The following GSK3B variants were observed in gnomAD, a reference collection of about 807,000 sequenced individuals.
The protein encoded by GSK3B is glycogen synthase kinase-3 beta.
In GSK3B, 15 loss-of-function variants were observed where a neutral mutation model predicts 56.4. The observed-to-expected ratio is 0.27, with a 90% CI of 0.18 to 0.41. The LOEUF is 0.41. Ranked by LOEUF, GSK3B falls within the 10% of genes least tolerant of loss-of-function variation. GSK3B has a pLI of 1.00. For missense variants in GSK3B, 300 were observed against 513.4 expected, an observed-to-expected ratio of 0.58 and a Z score of 4.02; for synonymous variants, 181 against 188.9, an observed-to-expected ratio of 0.96 and a Z score of 0.34.
chr3:120,026,216 TAA>T (rs1051500601), intron 1 of GSK3B, among the ~76,000 whole-genome samples: 1 of 152,164 alleles, frequency 6.6e-6, no homozygotes, highest in Non-Finnish European at 1.5e-5. Context: ...CACGATTTTC[TAA>T]AAGTCTTAAA....
At chr3:119,963,268 C>T (rs184269492) in intron 2 of GSK3B, among the ~76,000 whole-genome samples, 65 of 152,048 alleles carry the variant, frequency 4.3e-4, no homozygotes, top group Non-Finnish European at 8.4e-4. Context: ...CCATATTATC[C>T]AAAGCCATCT....
chr3:120,003,424 T>C (rs1049789451), intron 1 of GSK3B, among the ~76,000 whole-genome samples: 2 of 152,254 alleles, frequency 1.3e-5, no homozygotes, highest in Admixed American at 6.5e-5. Flanking sequence ...AAATGTCTAC[T>C]GTTTCTTCTC....
chr3:119,985,304 C>G (rs556053540), intron 2 of GSK3B, among the ~76,000 whole-genome samples: 1 of 152,262 alleles, frequency 6.6e-6, no homozygotes, highest in East Asian at 1.9e-4. Context: ...TCTCACCAGT[C>G]CTATTCAACA....
intron 5 of GSK3B, among the ~76,000 whole-genome samples, chr3:119,913,392 T>G (rs995023486): frequency 6.6e-6 from 1 of 152,126 alleles, no homozygotes; most frequent in Non-Finnish European, 1.5e-5. Flanking sequence ...CAGAAATGAT[T>G]CACTGCCTAT....
chr3:119,884,830 A>G (rs1178112699), intron 7 of GSK3B, among the ~76,000 whole-genome samples: 1 of 152,124 alleles, frequency 6.6e-6, no homozygotes, highest in Non-Finnish European at 1.5e-5. Context: ...CCTGATTTAA[A>G]TAAAATCTAC....
chr3:120,013,297 T>C (rs1043210502), intron 1 of GSK3B, among the ~76,000 whole-genome samples: 1 of 152,216 alleles, frequency 6.6e-6, no homozygotes, highest in Admixed American at 6.5e-5. Context: ...ATCTCAAAGC[T>C]GAACATACTT....
chr3:119,933,680 A>C (rs1171058520), intron 3 of GSK3B, among the ~76,000 whole-genome samples: 1 of 152,034 alleles, frequency 6.6e-6, no homozygotes, highest in African/African-American at 2.4e-5. Context: ...AGTTCGAGCC[A>C]AGCCTGGCCA....
At chr3:119,836,353 A>G (rs2055690236) in intron 10 of GSK3B, among the ~76,000 whole-genome samples, 1 of 152,226 alleles carries the variant, frequency 6.6e-6, no homozygotes, top group Non-Finnish European at 1.5e-5. Context: ...TCCAAATGTT[A>G]TCATGACTCC....
At chr3:119,835,110 T>C (rs2055669223) in intron 10 of GSK3B, among the ~76,000 whole-genome samples, 1 of 152,176 alleles carries the variant, frequency 6.6e-6, no homozygotes, top group African/African-American at 2.4e-5. Context: ...AAGATGCACA[T>C]ATTAATTGGC....
At chr3:119,893,288 C>T (rs76047636) in intron 7 of GSK3B, among the ~76,000 whole-genome samples, 2,438 of 152,160 alleles carry the variant, frequency 0.016, 62 homozygotes, top group African/African-American at 0.055. Context: ...CATGAACCAC[C>T]GCACCCAGCA....
At chr3:120,074,231 T>C (rs978186710) in intron 1 of GSK3B, among the ~76,000 whole-genome samples, 4 of 151,566 alleles carry the variant, frequency 2.6e-5, no homozygotes, top group African/African-American at 7.3e-5. Context: ...AGCCCAGGAA[T>C]TGAGACTGCA....
At chr3:119,982,467 A>G (rs2107453658) in intron 2 of GSK3B, among the ~76,000 whole-genome samples, 1 of 152,346 alleles carries the variant, frequency 6.6e-6, no homozygotes, top group Middle Eastern at 3.4e-3. Context: ...ATAACCTTGA[A>G]AAAAGATTAG....
intron 3 of GSK3B, 91 bp downstream of exon 3, chr3:119,947,177 G>C (rs2057108812): frequency 2.5e-6 from 2 of 796,462 alleles, no homozygotes; most frequent in Admixed American, 2.0e-5. Flanking sequence ...CATTCCATTA[G>C]CAAAACTGTC....
intron 2 of GSK3B, among the ~76,000 whole-genome samples, chr3:119,995,706 G>A (rs538717105): frequency 1.6e-4 from 24 of 146,906 alleles, no homozygotes; most frequent in African/African-American, 5.3e-4. Flanking sequence ...TTACAGGCAT[G>A]AGCCACCGCA....
chr3:119,927,585 A>G (rs1331447766), intron 3 of GSK3B, among the ~76,000 whole-genome samples: 1 of 152,232 alleles, frequency 6.6e-6, no homozygotes, highest in Non-Finnish European at 1.5e-5. Flanking sequence ...GGTTTGAAGG[A>G]AAAATTATTT....
At chr3:119,875,546 CAG>C (rs2056302233) in intron 8 of GSK3B, among the ~76,000 whole-genome samples, 1 of 129,066 alleles carries the variant, frequency 7.7e-6, no homozygotes, top group South Asian at 2.5e-4. Flanking sequence ...CACACACACA[CAG>C]AAGTTTAATC....
At chr3:120,040,673 C>A (rs140943155) in intron 1 of GSK3B, among the ~76,000 whole-genome samples, 235 of 152,092 alleles carry the variant, frequency 1.5e-3, no homozygotes, top group Middle Eastern at 3.4e-3. Flanking sequence ...GATAGTCCCC[C>A]CAATCTCTTG....
chr3:119,853,316 G>C (rs984474766), intron 9 of GSK3B, among the ~76,000 whole-genome samples: 1 of 152,186 alleles, frequency 6.6e-6, no homozygotes, highest in Non-Finnish European at 1.5e-5. Flanking sequence ...TGCTGTTTTG[G>C]TTACTGTAGC....
intron 6 of GSK3B, among the ~76,000 whole-genome samples, chr3:119,906,081 A>G (rs929273279): frequency 3.9e-5 from 6 of 152,160 alleles, no homozygotes; most frequent in Non-Finnish European, 8.8e-5. Context: ...ATAAAGGGTA[A>G]AGTCTATTAT....
Sources: allele counts gnomAD v4.1 joint callset (sites outside exome capture counted in the v4.1 genomes callset), GRCh38; gene constraint gnomAD v4.1.1; transcripts MANE v1.5; gene names NCBI Gene and HGNC (gene_info 2026-07-23, HGNC 2026-07-21).